The following APOO variants were observed in gnomAD, a reference collection of about 807,000 sequenced individuals.
The protein encoded by APOO is apolipoprotein O.
APOO carries 11 observed loss-of-function variants against 23.1 expected under a neutral mutation model. That is an observed-to-expected ratio of 0.48 (90% confidence interval 0.30 to 0.79). APOO has a LOEUF of 0.79. Among genes scored for constraint, APOO ranks in the 30% least tolerant of loss-of-function variants. The probability of loss-of-function intolerance (pLI) is 0.07; values close to 1 mark genes in which losing one functional copy is unlikely to be tolerated. For synonymous variants in APOO, 59 were observed against 54.8 expected, an observed-to-expected ratio of 1.08 and a Z score of -0.34; for missense variants, 160 against 142.7, an observed-to-expected ratio of 1.12 and a Z score of -0.62.
intron 1 of APOO, 74 bp downstream of exon 1, chrX:23,907,620 C>A (rs918939102): frequency 9.1e-7 from 1 of 1,097,634 alleles, no homozygotes; most frequent in East Asian, 3.4e-5. Flanking sequence ...CAGAGAGGCC[C>A]CAAGAGAGCG....
At chrX:23,884,286 A>G (rs1262078650) in intron 1 of APOO, among the ~76,000 whole-genome samples, 1 of 111,273 alleles carries the variant, frequency 9.0e-6, no homozygotes. Context: ...CTGCTAAAAC[A>G]ATGAAGGAAA....
At chrX:23,870,168 C>T (rs981866319) in intron 4 of APOO, among the ~76,000 whole-genome samples, 1 of 110,644 alleles carries the variant, frequency 9.0e-6, no homozygotes, top group Admixed American at 9.7e-5. Flanking sequence ...ACTGAACATG[C>T]CTTCTGACTT....
intron 5 of APOO, among the ~76,000 whole-genome samples, chrX:23,863,806 G>C (rs1401322981): frequency 1.8e-5 from 2 of 110,168 alleles, no homozygotes; most frequent in Non-Finnish European, 3.8e-5. Flanking sequence ...GGAGGATATA[G>C]AGCTGTGGAG....
At chrX:23,847,934 C>A (rs1420154806) in intron 7 of APOO, among the ~76,000 whole-genome samples, 1 of 105,341 alleles carries the variant, frequency 9.5e-6, no homozygotes, top group Non-Finnish European at 1.9e-5. Flanking sequence ...TGGAGTACAA[C>A]GGCGGGATCT....
At chrX:23,895,776 C>T (rs1330846182) in intron 1 of APOO, among the ~76,000 whole-genome samples, 1 of 106,068 alleles carries the variant, frequency 9.4e-6, no homozygotes, top group East Asian at 2.9e-4. Flanking sequence ...GTGGTGGTGG[C>T]GGTAAAGAAT....
intron 3 of APOO, among the ~76,000 whole-genome samples, chrX:23,876,785 G>A (rs1925877224): frequency 9.0e-6 from 1 of 111,712 alleles, no homozygotes; most frequent in Non-Finnish European, 1.9e-5. Flanking sequence ...GCAACAGAGC[G>A]AGACTCCGTC....
At chrX:23,875,568 C>T (rs1925810953) in intron 3 of APOO, among the ~76,000 whole-genome samples, 1 of 106,379 alleles carries the variant, frequency 9.4e-6, no homozygotes, top group Non-Finnish European at 1.9e-5. Context: ...TACAGGTGCC[C>T]GCCACCACGC....
chrX:23,885,975 C>T (rs6629756), intron 1 of APOO, among the ~76,000 whole-genome samples: 13,173 of 111,405 alleles, frequency 0.12, 885 homozygotes, highest in South Asian at 0.51. Flanking sequence ...ATGATTTACT[C>T]GAGGATTTCT....
At chrX:23,873,467 T>C in intron 4 of APOO, among the ~76,000 whole-genome samples, 1 of 110,391 alleles carries the variant, frequency 9.1e-6, no homozygotes. Context: ...ACTAGGTGGA[T>C]GTGGTGGCAC....
At chrX:23,876,279 T>A (rs4256753) in intron 3 of APOO, among the ~76,000 whole-genome samples, 13,329 of 105,527 alleles carry the variant, frequency 0.13, 870 homozygotes, top group South Asian at 0.51. Flanking sequence ...ATAAAAAAAA[T>A]AAAAATAAAA....
At chrX:23,864,324 A>T (rs960963133) in intron 5 of APOO, among the ~76,000 whole-genome samples, 1 of 100,472 alleles carries the variant, frequency 1.0e-5, no homozygotes, top group Admixed American at 1.1e-4. Flanking sequence ...TTGTTTTGAG[A>T]TGGGGTCTCG....
intron 1 of APOO, among the ~76,000 whole-genome samples, chrX:23,893,971 T>C (rs1282431293): frequency 9.0e-6 from 1 of 111,075 alleles, no homozygotes; most frequent in Non-Finnish European, 1.9e-5. Flanking sequence ...CCTGACCAAC[T>C]GTACTATTTT....
intron 5 of APOO, among the ~76,000 whole-genome samples, chrX:23,859,896 T>G (rs1398914837): frequency 9.0e-6 from 1 of 111,413 alleles, no homozygotes; most frequent in Non-Finnish European, 1.9e-5. Context: ...CAAATGAGTA[T>G]TTTGGTTTCT....
At chrX:23,848,001 C>T (rs969689790) in intron 7 of APOO, among the ~76,000 whole-genome samples, 5 of 107,703 alleles carry the variant, frequency 4.6e-5, no homozygotes, top group Admixed American at 1.0e-4. Flanking sequence ...CTCAGCTTCC[C>T]GAGTAGCTGG....
chrX:23,863,912 C>T (rs1449097174), intron 5 of APOO, among the ~76,000 whole-genome samples: 1 of 110,663 alleles, frequency 9.0e-6, no homozygotes, highest in East Asian at 2.8e-4. Context: ...CTAGAGAATA[C>T]ACATGGCCTT....
At position 23,840,330 on chromosome X, in the gene APOO, G is replaced by T. The variant is rs184450852; in HGVS notation, c.*12C>A. 1,433 of 1,187,905 alleles carry T rather than the reference G, an allele frequency of 1.2e-3. 6 individuals carry two copies. In the African/African-American group the frequency reaches 0.02, roughly 17 times the overall value. Reference sequence around the variant, plus strand: ...TTTTTTACCTGATTAAGATGGCAGAGCATGGAGTTTTCTACTTAGTTCCAG... The same window carrying T: ...TTTTTTACCTGATTAAGATGGCAGATCATGGAGTTTTCTACTTAGTTCCAG... On this transcript the variant is annotated 3_prime_UTR_variant, in exon 8 of 9. Transcript: ENST00000379226.
intron 4 of APOO, among the ~76,000 whole-genome samples, chrX:23,870,566 G>T (rs1216396376): frequency 6.9e-5 from 7 of 101,738 alleles, no homozygotes; most frequent in African/African-American, 2.6e-4. Flanking sequence ...TGGGAGGATT[G>T]CTTGAGTCCA....
At chrX:23,905,332 G>A (rs1313818922) in intron 1 of APOO, among the ~76,000 whole-genome samples, 1 of 110,277 alleles carries the variant, frequency 9.1e-6, no homozygotes, top group African/African-American at 3.3e-5. Flanking sequence ...GGAGGCTGCA[G>A]TGAGCCAAGA....
At chrX:23,837,218 G>C in intron 8 of APOO, 1 of 895,320 alleles carries the variant, frequency 1.1e-6, no homozygotes, top group Non-Finnish European at 1.6e-6. Flanking sequence ...AAGTCCCTCC[G>C]CAGGGTTCCT....
Sources: gnomAD v4.1 joint callset for allele counts (sites outside exome capture counted in the v4.1 genomes callset) on GRCh38, gnomAD v4.1.1 for gene constraint, MANE v1.5 for transcripts, NCBI Gene and HGNC (gene_info 2026-07-23, HGNC 2026-07-21) for gene names.